CANX: variants seen among roughly 807,000 people sequenced by gnomAD.
CANX encodes the protein epididymis secretory sperm binding protein.
CANX carries 14 observed loss-of-function variants against 75.7 expected under a neutral mutation model. That is an observed-to-expected ratio of 0.19 (90% CI 0.12 to 0.29). The LOEUF (loss-of-function observed/expected upper bound fraction) is 0.29, where lower values mean the gene tolerates loss of function less well. Ranked by LOEUF, CANX falls within the 10% of genes least tolerant of loss-of-function variation. The pLI is 1.00. For missense variants in CANX, 567 were observed against 713.2 expected, an observed-to-expected ratio of 0.79 and a Z score of 2.34; for synonymous variants, 227 against 236.9, an observed-to-expected ratio of 0.96 and a Z score of 0.38.
intron 1 of CANX, chr5:179,704,076 CA>C (rs1776953441): frequency 6.6e-6 from 1 of 152,114 alleles, no homozygotes; most frequent in Non-Finnish European, 1.5e-5. Context: ...TGTACTTTCT[CA>C]AGCCCAAAAA....
chr5:179,692,281 G>T (rs960472980), intron 1 of CANX, among the ~76,000 whole-genome samples: 3 of 151,790 alleles, frequency 2.0e-5, no homozygotes, highest in African/African-American at 7.3e-5. Context: ...CACCATGTTG[G>T]CCAGGCTGGT....
intron 9 of CANX, 39 bp from the exon 10 acceptor site, chr5:179,720,365 A>C (rs971793426): frequency 4.4e-6 from 7 of 1,589,108 alleles, no homozygotes; most frequent in Non-Finnish European, 6.0e-6. Context: ...GTCCTGCATC[A>C]CAGAACCTGT....
intron 7 of CANX, among the ~76,000 whole-genome samples, chr5:179,711,522 C>G (rs943389051): frequency 2.6e-5 from 4 of 152,124 alleles, no homozygotes; most frequent in African/African-American, 9.7e-5. Flanking sequence ...GGCATGGTGG[C>G]TCGTGCCTAT....
intron 13 of CANX, among the ~76,000 whole-genome samples, chr5:179,725,677 T>C (rs1316860629): frequency 2.2e-5 from 2 of 89,068 alleles, no homozygotes. Flanking sequence ...CAAGACTCTG[T>C]CTCAAAAAAA....
At chr5:179,699,607 G>A (rs1411390810) in intron 1 of CANX, 1 of 152,256 alleles carries the variant, frequency 6.6e-6, no homozygotes, top group Non-Finnish European at 1.5e-5. Context: ...TGAAGAGAAA[G>A]GGGAATGTAC....
At chr5:179,726,659 G>A (rs1778694721) in intron 13 of CANX, 21 bp from the exon 14 acceptor site, 2 of 1,556,568 alleles carry the variant, frequency 1.3e-6, no homozygotes, top group Non-Finnish European at 1.8e-6. Flanking sequence ...GTTTTGCTCA[G>A]TTGTTTAACT....
At chr5:179,705,964 AGT>A in intron 2 of CANX, 112 bp downstream of exon 2, 3 of 788,872 alleles carry the variant, frequency 3.8e-6, no homozygotes, top group Non-Finnish European at 6.3e-6. Context: ...CTAGGACAGG[AGT>A]GTGAGTCCAG....
intron 10 of CANX, among the ~76,000 whole-genome samples, chr5:179,721,576 C>T (rs1336420757): frequency 6.6e-6 from 1 of 152,148 alleles, no homozygotes; most frequent in Non-Finnish European, 1.5e-5. Flanking sequence ...TTGACTACAT[C>T]AAGTCAGCTC....
At chr5:179,712,576 G>A (rs1459658588) in intron 7 of CANX, among the ~76,000 whole-genome samples, 4 of 150,692 alleles carry the variant, frequency 2.7e-5, no homozygotes, top group Admixed American at 2.0e-4. Flanking sequence ...GTGCCACCAC[G>A]CCTGGCTAAT....
chr5:179,722,833 T>C lies in CANX; in HGVS notation c.1212T>C (p.Asn404=), dbSNP rs1286722426. The change falls in exon 11 of 15, where the codon AAT becomes AAC. Residue 404 remains asparagine (N), a synonymous_variant. Coordinates refer to ENST00000247461, the MANE Select transcript of CANX (RefSeq NM_001746.4). ...TCTGGAAACCCAGGAAAATACCAAA[T>C]CCAGATTTCTTTGAAGATCTGGAAC... ...QGIWKPRKIP[N]PDFFEDLEPF... 7 of 1,613,088 alleles carry C rather than the reference T, an allele frequency of 4.3e-6. No homozygotes were observed. The highest frequency in any genetic ancestry group is 4.2e-6 in the Non-Finnish European group (5 of 1,179,230).
intron 1 of CANX, 32 bp downstream of exon 1, chr5:179,699,134 C>T (rs1776550441): frequency 1.0e-6 from 1 of 1,004,506 alleles, no homozygotes; most frequent in African/African-American, 1.7e-5. Flanking sequence ...CGTCCTCGGG[C>T]CTGTGAGGAC....
chr5:179,714,581 G>A (rs1401090602), intron 7 of CANX, among the ~76,000 whole-genome samples: 3 of 150,808 alleles, frequency 2.0e-5, no homozygotes, highest in Non-Finnish European at 3.0e-5. Flanking sequence ...GCAGTGGTGC[G>A]ATCTCCGCTC....
At chr5:179,681,074 A>G (rs920019616) in intron 1 of CANX, 5 of 643,316 alleles carry the variant, frequency 7.8e-6, no homozygotes, top group Admixed American at 2.4e-5. Context: ...TCCACCTGCT[A>G]TGACTCACAA....
At chr5:179,701,517 C>T (rs1303919922) in intron 1 of CANX, among the ~76,000 whole-genome samples, 2 of 151,094 alleles carry the variant, frequency 1.3e-5, no homozygotes, top group East Asian at 2.0e-4. Flanking sequence ...TTGCAGTGAG[C>T]GGAGATGGTT....
At position 179,712,064 on chromosome 5, in the gene CANX, C is replaced by CTCCA. The variant is rs370280187; in HGVS notation, c.721+2000_721+2003dup. Reference sequence around the variant, plus strand: ...GGTGAGCCAAGGTCATGCCATTGCACTCCAGCCTGGGCAACACAGTGAGAC... The same window carrying CTCCA: ...GGTGAGCCAAGGTCATGCCATTGCACTCCATCCAGCCTGGGCAACACAGTGAGAC... On this transcript the variant is annotated intron_variant, in intron 7 of 14. Coordinates refer to ENST00000247461, the MANE Select transcript of CANX (RefSeq NM_001746.4). 2.8e-3 allele frequency among the ~76,000 whole-genome samples: 414 copies of CTCCA among 149,806 alleles called. 1 individual carries two copies. The highest frequency in any genetic ancestry group is 9.8e-3 in the African/African-American group (399 of 40,698).
upstream of CANX, among the ~76,000 whole-genome samples, chr5:179,696,385 C>T (rs1419005381): frequency 6.7e-6 from 1 of 148,322 alleles, no homozygotes; most frequent in Non-Finnish European, 1.5e-5. Context: ...AAGCGATTGT[C>T]CTGCCTCAGC....
At chr5:179,680,218 G>T (rs1222501527) in intron 1 of CANX, among the ~76,000 whole-genome samples, 4 of 152,070 alleles carry the variant, frequency 2.6e-5, no homozygotes, top group Admixed American at 2.0e-4. Flanking sequence ...ATGTGAAGGT[G>T]CCCTACAGGC....
chr5:179,714,667 A>G lies in CANX; in HGVS notation c.722-1438A>G, dbSNP rs190252636. Among the ~76,000 whole-genome samples the G allele has an allele frequency of 3.9e-4, 59 of 151,998 alleles. No homozygotes were observed. The East Asian group carries it at 0.01, about 26-fold the overall frequency. On this transcript the variant is annotated intron_variant, in intron 7 of 14. Transcript: ENST00000247461. Reference sequence around the variant, plus strand: ...CGAGTAGCTGGGACTACAGGTGCCCACCACCACGCTGGGCTAATTTTTTGT... The same window carrying G: ...CGAGTAGCTGGGACTACAGGTGCCCGCCACCACGCTGGGCTAATTTTTTGT...
chr5:179,715,160 G>A (rs1381645472), intron 7 of CANX, among the ~76,000 whole-genome samples: 1 of 152,204 alleles, frequency 6.6e-6, no homozygotes, highest in Non-Finnish European at 1.5e-5. Context: ...TGGATGTGCT[G>A]TAACTCAGTC....
Sources: allele counts gnomAD v4.1 joint callset (sites outside exome capture counted in the v4.1 genomes callset), GRCh38; gene constraint gnomAD v4.1.1; transcripts MANE v1.5; gene names NCBI Gene and HGNC (gene_info 2026-07-23, HGNC 2026-07-21).